The following DCC variants were observed in gnomAD, a reference collection of about 807,000 sequenced individuals.
DCC encodes DCC netrin 1 receptor.
DCC carries 58 observed loss-of-function variants against 172.5 expected under a neutral mutation model. That is an observed-to-expected ratio of 0.34 (90% CI 0.27 to 0.42). The LOEUF is 0.42. DCC is among the 10% of genes least tolerant of loss of function. DCC has a pLI of 1.00. For synonymous variants in DCC, 709 were observed against 644.5 expected, an observed-to-expected ratio of 1.10 and a Z score of -1.52; for missense variants, 1,740 against 1,791.0, an observed-to-expected ratio of 0.97 and a Z score of 0.51.
intron 7 of DCC, among the ~76,000 whole-genome samples, chr18:53,119,819 T>C (rs1396379827): frequency 6.6e-6 from 1 of 151,870 alleles, no homozygotes; most frequent in East Asian, 1.9e-4. Flanking sequence ...TATTTTCACC[T>C]CTTTACACAT....
At chr18:52,444,019 A>G (rs1408492270) in intron 1 of DCC, among the ~76,000 whole-genome samples, 1 of 152,176 alleles carries the variant, frequency 6.6e-6, no homozygotes, top group African/African-American at 2.4e-5. Flanking sequence ...GAGGAAAAGG[A>G]AAGTATTAAG....
intron 12 of DCC, among the ~76,000 whole-genome samples, chr18:53,290,367 T>C (rs2144747770): frequency 6.6e-6 from 1 of 152,338 alleles, no homozygotes; most frequent in Non-Finnish European, 1.5e-5. Flanking sequence ...ACTCAAATAT[T>C]TTCCTTATTT....
intron 2 of DCC, among the ~76,000 whole-genome samples, chr18:52,851,176 A>T (rs1246575443): frequency 7.0e-6 from 1 of 142,410 alleles, no homozygotes; most frequent in Non-Finnish European, 1.6e-5. Flanking sequence ...TGAGAATAGA[A>T]TTTGAAACTT....
At chr18:52,681,934 A>G (rs1176546064) in intron 1 of DCC, among the ~76,000 whole-genome samples, 1 of 152,150 alleles carries the variant, frequency 6.6e-6, no homozygotes, top group Non-Finnish European at 1.5e-5. Context: ...CTTAAATATT[A>G]CAAGCCCAAT....
At chr18:53,361,572 A>G (rs966757464) in intron 15 of DCC, among the ~76,000 whole-genome samples, 2 of 152,162 alleles carry the variant, frequency 1.3e-5, no homozygotes, top group African/African-American at 4.8e-5. Flanking sequence ...AGTCAAAGGG[A>G]ATATTACCTC....
rs1036268778 is a variant in DCC at position 53,351,154 on chromosome 18, C to T, written c.2359+11247C>T. The stretch of plus-strand genomic sequence containing the variant: ...GTAACTGTTTTCTTACTTTCTACTC[C>T]CTGAGGTCCAAAGCACAGGAATTGT... On this transcript the variant is annotated intron_variant, in intron 15 of 28. Coordinates refer to ENST00000442544, the MANE Select transcript of DCC (RefSeq NM_005215.4). Among the ~76,000 whole-genome samples, 4 of 148,720 alleles carry T rather than the reference C, an allele frequency of 2.7e-5. 1 individual carries two copies. The South Asian group carries it at 8.5e-4, about 32-fold the overall frequency.
At chr18:52,700,328 AATGCACACCC>A (rs1362327455) in intron 1 of DCC, among the ~76,000 whole-genome samples, 5 of 139,974 alleles carry the variant, frequency 3.6e-5, no homozygotes, top group Non-Finnish European at 7.6e-5. Context: ...ACACTCACGG[AATGCACACCC>A]ATGCACACTC....
chr18:52,880,821 A>G (rs2039474733), intron 2 of DCC, among the ~76,000 whole-genome samples: 1 of 152,218 alleles, frequency 6.6e-6, no homozygotes, highest in Admixed American at 6.5e-5. Context: ...TACAACAAAC[A>G]TGAGAGTGCA....
chr18:52,851,621 T>C (rs907389300), intron 2 of DCC, among the ~76,000 whole-genome samples: 4 of 152,228 alleles, frequency 2.6e-5, no homozygotes. Context: ...TCTGCTCTTC[T>C]TTTCCAAACA....
At chr18:52,365,526 T>G (rs2339324) in intron 1 of DCC, among the ~76,000 whole-genome samples, 26,876 of 151,550 alleles carry the variant, frequency 0.18, 2,684 homozygotes, top group African/African-American at 0.27. Context: ...ATTGCTTGGG[T>G]GGGGTTTATG....
intron 7 of DCC, among the ~76,000 whole-genome samples, chr18:53,098,025 T>C (rs1038252683): frequency 2.0e-5 from 3 of 152,132 alleles, no homozygotes; most frequent in Admixed American, 6.6e-5. Context: ...TGATGCCTTC[T>C]CAGATTACAT....
intron 15 of DCC, among the ~76,000 whole-genome samples, chr18:53,368,019 A>G (rs1425008063): frequency 2.0e-5 from 3 of 152,110 alleles, no homozygotes; most frequent in Non-Finnish European, 4.4e-5. Context: ...TTTTCATAGC[A>G]GTTGTACTAT....
At chr18:53,094,696 C>G (rs1599127488) in intron 7 of DCC, among the ~76,000 whole-genome samples, 1 of 152,122 alleles carries the variant, frequency 6.6e-6, no homozygotes, top group Non-Finnish European at 1.5e-5. Flanking sequence ...AGCAGAGAGA[C>G]CATTTGGGTA....
At chr18:52,937,541 T>C (rs1304238315) in intron 5 of DCC, among the ~76,000 whole-genome samples, 1 of 152,160 alleles carries the variant, frequency 6.6e-6, no homozygotes, top group Non-Finnish European at 1.5e-5. Context: ...AGACAAGGTC[T>C]CTCTGTTTCC....
chr18:52,983,327 T>C (rs555376128), intron 5 of DCC, among the ~76,000 whole-genome samples: 1 of 152,298 alleles, frequency 6.6e-6, no homozygotes, highest in East Asian at 1.9e-4. Context: ...AGTGGACAAA[T>C]TGAAGAGGCA....
At chr18:53,514,036 A>G (rs2046299919) in intron 27 of DCC, among the ~76,000 whole-genome samples, 1 of 152,126 alleles carries the variant, frequency 6.6e-6, no homozygotes, top group Non-Finnish European at 1.5e-5. Flanking sequence ...CACCTATTCC[A>G]AAATTGACCA....
intron 1 of DCC, among the ~76,000 whole-genome samples, chr18:52,711,869 C>G (rs1366852250): frequency 6.6e-6 from 1 of 152,192 alleles, no homozygotes; most frequent in African/African-American, 2.4e-5. Context: ...CCTGACTTTT[C>G]TGTATCTCCA....
chr18:52,768,533 A>T (rs911240889), intron 2 of DCC, among the ~76,000 whole-genome samples: 1 of 152,114 alleles, frequency 6.6e-6, no homozygotes, highest in African/African-American at 2.4e-5. Context: ...CAAGGGGTAT[A>T]TTTTACCACG....
At chr18:53,334,466 C>T (rs1389064729) in intron 14 of DCC, among the ~76,000 whole-genome samples, 1 of 152,152 alleles carries the variant, frequency 6.6e-6, no homozygotes, top group African/African-American at 2.4e-5. Context: ...TTTAAGTATA[C>T]AGTTCAGTGG....
Sources: gnomAD v4.1 joint callset for allele counts (sites outside exome capture counted in the v4.1 genomes callset) on GRCh38, gnomAD v4.1.1 for gene constraint, MANE v1.5 for transcripts, NCBI Gene and HGNC (gene_info 2026-07-23, HGNC 2026-07-21) for gene names.